NAV3: variants seen among roughly 807,000 people sequenced by gnomAD.
NAV3 encodes the protein neuron navigator 3.
Under a neutral mutation model 244.7 loss-of-function variants are expected in NAV3, and 87 were observed. The ratio of observed to expected loss-of-function variants is 0.36; its 90% CI spans 0.30 to 0.42. The LOEUF is 0.42. Among genes scored for constraint, NAV3 ranks in the 20% least tolerant of loss-of-function variants. The pLI, the probability that NAV3 is intolerant of heterozygous loss-of-function variation, is 1.00. For synonymous variants in NAV3, 1,126 were observed against 1,042.2 expected (o/e 1.08, Z -1.55); for missense variants, 2,663 against 2,893.3 (o/e 0.92, Z 1.83).
chr12:77,870,440 A>G (rs1880780843), intron 1 of NAV3, among the ~76,000 whole-genome samples: 1 of 152,106 alleles, frequency 6.6e-6, no homozygotes, highest in Admixed American at 6.6e-5. Flanking sequence ...ATAGGGGACA[A>G]ATTGGTATGC....
intron 1 of NAV3, among the ~76,000 whole-genome samples, chr12:77,872,908 CTG>C (rs1881193822): frequency 6.6e-6 from 1 of 152,158 alleles, no homozygotes. Context: ...TATGGTTTGG[CTG>C]TGTCCCCACC....
chr12:78,064,950 G>T (rs944494692), intron 12 of NAV3, among the ~76,000 whole-genome samples: 2 of 152,036 alleles, frequency 1.3e-5, no homozygotes, highest in South Asian at 2.1e-4. Context: ...CTTATGAGAA[G>T]TTTCCCAATT....
chr12:77,713,286 A>G (rs1471268553), intron 2 of NAV3, among the ~76,000 whole-genome samples: 1 of 152,216 alleles, frequency 6.6e-6, no homozygotes, highest in Non-Finnish European at 1.5e-5. Context: ...CTCCATTTAT[A>G]AAATACCGTT....
At chr12:77,817,941 A>G (rs962804653) in intron 2 of NAV3, among the ~76,000 whole-genome samples, 8 of 152,156 alleles carry the variant, frequency 5.3e-5, no homozygotes, top group African/African-American at 4.8e-5. Flanking sequence ...CCTCTCTAGA[A>G]CTTGATTTTG....
intron 11 of NAV3, among the ~76,000 whole-genome samples, chr12:78,055,079 A>G (rs1040094962): frequency 2.0e-5 from 3 of 152,198 alleles, no homozygotes; most frequent in African/African-American, 7.2e-5. Context: ...TATCGAGTTC[A>G]TCCTATGTGT....
intron 2 of NAV3, among the ~76,000 whole-genome samples, chr12:77,691,056 A>G (rs1279162642): frequency 6.6e-6 from 1 of 150,572 alleles, no homozygotes; most frequent in East Asian, 2.0e-4. Context: ...GTCAAATGGC[A>G]GTTCTGATGA....
chr12:78,031,656 A>G (rs932487794), intron 9 of NAV3, among the ~76,000 whole-genome samples: 1 of 146,796 alleles, frequency 6.8e-6, no homozygotes, highest in South Asian at 2.2e-4. Context: ...AGCACCGCAT[A>G]TTCTCACTCA....
At chr12:77,973,798 A>G (rs1893213916) in intron 5 of NAV3, among the ~76,000 whole-genome samples, 1 of 152,168 alleles carries the variant, frequency 6.6e-6, no homozygotes, top group African/African-American at 2.4e-5. Flanking sequence ...AGCCCTTGTG[A>G]ACCTGGCTTC....
At chr12:78,184,419 G>A (rs1326269135) in intron 30 of NAV3, among the ~76,000 whole-genome samples, 1 of 151,692 alleles carries the variant, frequency 6.6e-6, no homozygotes, top group East Asian at 1.9e-4. Flanking sequence ...GAGTGGAGTA[G>A]GTGAAAAGGT....
intron 2 of NAV3, among the ~76,000 whole-genome samples, chr12:77,804,363 G>T (rs147444090): frequency 6.6e-6 from 1 of 152,076 alleles, no homozygotes; most frequent in Non-Finnish European, 1.5e-5. Flanking sequence ...GGTGTATAAG[G>T]GGTACAGTTT....
chr12:77,870,991 C>T (rs1880863354), intron 1 of NAV3, among the ~76,000 whole-genome samples: 1 of 152,178 alleles, frequency 6.6e-6, no homozygotes, highest in Admixed American at 6.5e-5. Flanking sequence ...GGCATGTACA[C>T]ACTCACACGC....
intron 2 of NAV3, among the ~76,000 whole-genome samples, chr12:77,740,927 A>G (rs1436458139): frequency 1.3e-5 from 2 of 152,182 alleles, no homozygotes; most frequent in South Asian, 2.1e-4. Context: ...GTTGCCGTGC[A>G]AAGAAGTGAG....
chr12:78,191,287 A>T (rs1565784907), intron 34 of NAV3, among the ~76,000 whole-genome samples: 1 of 152,136 alleles, frequency 6.6e-6, no homozygotes, highest in Non-Finnish European at 1.5e-5. Context: ...GTGTATATGC[A>T]TGTGTGTGTC....
chr12:78,155,383 A>G (rs1372730903), intron 22 of NAV3, among the ~76,000 whole-genome samples: 8 of 152,108 alleles, frequency 5.3e-5, no homozygotes, highest in Non-Finnish European at 7.4e-5. Context: ...ATAGTATTCC[A>G]TGGTGTATAT....
At position 77,966,156 on chromosome 12, in the gene NAV3, G is replaced by T. The variant is rs557273327; in HGVS notation, c.415-73G>T. On this transcript the variant is annotated intron_variant, in intron 3 of 39. Transcript: ENST00000397909. ...TATTCATTCTTTATCGTTCTTTCTG[G>T]TTTCATTTTGGCACATGTATTTGTT... 5.4e-4 allele frequency: 654 copies of T among 1,219,196 alleles called. 3 individuals are homozygous for T. The South Asian group carries it at 7.4e-3, about 14-fold the overall frequency. 75.5% of individuals were successfully genotyped at this position (1,219,196 alleles called of 1,614,324 possible). A position where few individuals can be genotyped will look rare whatever the true frequency, so the allele number is the denominator to read the frequency against.
intron 2 of NAV3, among the ~76,000 whole-genome samples, chr12:77,687,383 G>A (rs1014649320): frequency 2.0e-5 from 3 of 151,988 alleles, no homozygotes; most frequent in Admixed American, 6.6e-5. Flanking sequence ...TAAGAAAGCC[G>A]TATTAGAGCC....
At chr12:77,739,525 C>G in intron 2 of NAV3, among the ~76,000 whole-genome samples, 1 of 152,206 alleles carries the variant, frequency 6.6e-6, no homozygotes, top group South Asian at 2.1e-4. Context: ...TTCATTGACT[C>G]TGACTGAACA....
At chr12:77,725,082 A>G (rs1450872783) in intron 2 of NAV3, among the ~76,000 whole-genome samples, 1 of 152,044 alleles carries the variant, frequency 6.6e-6, no homozygotes, top group African/African-American at 2.4e-5. Flanking sequence ...TTTTCTTCAC[A>G]TAGTTTATTT....
intron 12 of NAV3, among the ~76,000 whole-genome samples, chr12:78,110,786 A>T (rs1276691150): frequency 1.3e-5 from 2 of 152,080 alleles, no homozygotes; most frequent in South Asian, 4.1e-4. Flanking sequence ...ATTCCATTAT[A>T]CATATTCCAT....
Sources: allele counts gnomAD v4.1 joint callset (sites outside exome capture counted in the v4.1 genomes callset), GRCh38; gene constraint gnomAD v4.1.1; transcripts MANE v1.5; gene names NCBI Gene and HGNC (gene_info 2026-07-23, HGNC 2026-07-21).